ZNF548: variants seen among roughly 807,000 people sequenced by gnomAD.
The protein encoded by ZNF548 is zinc finger protein 548.
Under a neutral mutation model 10.2 loss-of-function variants are expected in ZNF548, and 10 were observed. The observed-to-expected ratio is 0.98, with a 90% CI of 0.60 to 1.66. The LOEUF is 1.66. Ranked by LOEUF, ZNF548 falls within the 40% of genes most tolerant of loss-of-function variation. The pLI, the probability that ZNF548 is intolerant of heterozygous loss-of-function variation, is 0.00. For synonymous variants in ZNF548, 217 were observed against 223.5 expected (o/e 0.97, Z 0.26); for missense variants, 599 against 657.0 (o/e 0.91, Z 0.97).
At chr19:57,398,305 T>C in intron 3 of ZNF548, 125 bp from the exon 4 acceptor site, 1 of 1,524,288 alleles carries the variant, frequency 6.6e-7, no homozygotes, top group South Asian at 1.3e-5. Flanking sequence ...CTCACTGGCC[T>C]TAATGTCCAT....
chr19:57,392,016 C>T (rs2088630320), intron 1 of ZNF548, among the ~76,000 whole-genome samples: 1 of 151,898 alleles, frequency 6.6e-6, no homozygotes, highest in Non-Finnish European at 1.5e-5. Context: ...CCAGGCTGGT[C>T]TTGAACTCCT....
intron 1 of ZNF548, chr19:57,392,989 G>C (rs1273841796): frequency 1.0e-6 from 1 of 985,388 alleles, no homozygotes; most frequent in Non-Finnish European, 1.2e-6. Context: ...GTGTGAGGTG[G>C]TTTCGATCCT....
In ZNF548 at chr19:57,398,475, G is replaced by A. The variant is rs192145975; in HGVS notation, c.224G>A (p.Gly75Asp). ...GATGAGGAGGCACCTTCACAGCAAGGTTTTTCTGTAGGAGTGTCAGAGGTT... is the reference window on the plus strand; with the variant it reads ...GATGAGGAGGCACCTTCACAGCAAGATTTTTCTGTAGGAGTGTCAGAGGTT... Reference protein sequence around the residue: ...AEDEEAPSQQGFSVGVSEVTA... With the variant: ...AEDEEAPSQQDFSVGVSEVTA... The change falls in exon 4 of 4, where the codon GGT becomes GAT. Residue 75 changes from glycine to aspartate, a missense_variant. Gly to Asp is a moderately conservative substitution (Grantham distance 94, BLOSUM62 -1). Transcript: ENST00000336128. 78 of 1,614,138 alleles carry A rather than the reference G, an allele frequency of 4.8e-5. No homozygotes were observed. The highest frequency in any genetic ancestry group is 1.7e-4 in the Middle Eastern group (1 of 6,060).
intron 2 of ZNF548, 45 bp from the exon 3 acceptor site, chr19:57,397,003 C>A: frequency 6.4e-7 from 1 of 1,571,518 alleles, no homozygotes. Context: ...GTAAATACAG[C>A]TTGAAAAGAA....
rs1368544007 is a variant in ZNF548, at chr19:57,400,517, C to T, written c.*628C>T. 2 of 152,152 alleles carry T rather than the reference C, an allele frequency of 1.3e-5. No homozygotes were observed. The highest frequency in any genetic ancestry group is 4.8e-5 in the African/African-American group (2 of 41,370). The allele number at this position is 152,152 out of a possible 1,614,324, so 9.4% of individuals were successfully genotyped here. On this transcript the variant is annotated 3_prime_UTR_variant, in exon 4 of 4. Coordinates refer to ENST00000336128, the MANE Select transcript of ZNF548 (RefSeq NM_001172773.2). The stretch of plus-strand genomic sequence containing the variant: ...CTGTGATCTTGGCTCACTGCAAGCT[C>T]CGCCTCCCAGGTTCATGCCATTCTC...
rs1165728592 is a variant in ZNF548 at position 57,398,560 on chromosome 19, A to G, written c.309A>G (p.Pro103=). ...QKVHPSETCG[P]PLKDILCLVE... ...TCCACCCTAGTGAGACATGTGGCCC[A>G]CCCTTGAAAGACATTCTGTGCCTGG... Residue 103 remains proline (P), a synonymous_variant, in exon 4 of 4, where the codon CCA becomes CCG. Coordinates refer to ENST00000336128, the MANE Select transcript of ZNF548 (RefSeq NM_001172773.2). The G allele has an allele frequency of 6.2e-7, 1 of 1,614,038 alleles. No homozygotes were observed. Among genetic ancestry groups the G allele is most frequent in the East Asian group, 2.2e-5 (1 of 44,876 alleles).
Position 57,389,868 on chromosome 19 carries a change from C to A in ZNF548, c.-232C>A. 2.1e-6 allele frequency: 1 copy of A among 484,534 alleles called. No individual in the cohort carries two copies. The highest frequency in any genetic ancestry group is 3.7e-6 in the Non-Finnish European group (1 of 273,426). 30.0% of individuals were successfully genotyped at this position (484,534 alleles called of 1,614,324 possible). The stretch of plus-strand genomic sequence containing the variant: ...CGTCGGAGGGCGGGACTTCCGCCGT[C>A]CTCCTGGTGGTGGTCGTTTTGGTTC... On this transcript the variant is annotated 5_prime_UTR_variant, in exon 1 of 4. Coordinates refer to ENST00000336128, the MANE Select transcript of ZNF548 (RefSeq NM_001172773.2).
rs1259108429 is a variant in ZNF548, at chr19:57,398,446, T to G, written c.195T>G (p.Ala65=). The stretch of plus-strand genomic sequence containing the variant: ...TTCTGACAGGTTCTTGGCATGGAGC[T>G]GAGGATGAGGAGGCACCTTCACAGC... ...LLSSLGSWHG[A]EDEEAPSQQG... The change falls in exon 4 of 4, where the codon GCT becomes GCG. Residue 65 remains alanine, a synonymous_variant. Transcript: ENST00000336128. 2 of 1,613,618 alleles carry G rather than the reference T, an allele frequency of 1.2e-6. No homozygotes were observed.
chr19:57,394,585 G>T (rs531708844), intron 2 of ZNF548, among the ~76,000 whole-genome samples: 2 of 152,302 alleles, frequency 1.3e-5, no homozygotes, highest in East Asian at 3.9e-4. Context: ...GACAGCCTAG[G>T]TCCTGGGTCT....
chr19:57,399,410 A>T lies in ZNF548; in HGVS notation c.1159A>T (p.Arg387Trp), dbSNP rs1257672534. The change falls in exon 4 of 4, where the codon AGG becomes TGG. Residue 387 changes from arginine (R) to tryptophan (W), a missense_variant. Arg to Trp is a moderately radical substitution (Grantham distance 101). Coordinates refer to ENST00000336128, the MANE Select transcript of ZNF548 (RefSeq NM_001172773.2). The surrounding 1 kb of genome is among the most constrained non-coding windows in gnomAD (Gnocchi z 4.0). ...GTGCAGTGTATGTGGGGAATTGTTT[A>T]GGTACAACTCCAGCCTTGTTAAACA... is the stretch of plus-strand genomic sequence containing the variant. ...YECSVCGELF[R>W]YNSSLVKHWR... The T allele has an allele frequency of 6.2e-7, 1 of 1,613,992 alleles. No homozygotes were observed. The highest frequency in any genetic ancestry group is 1.3e-5 in the African/African-American group (1 of 74,904).
chr19:57,391,490 TTGG>T (rs1245331382), intron 1 of ZNF548, among the ~76,000 whole-genome samples: 5 of 152,192 alleles, frequency 3.3e-5, no homozygotes, highest in Non-Finnish European at 2.9e-5. Flanking sequence ...AGTAGTGGAA[TTGG>T]TGGATTTAAT....
chr19:57,390,950 G>C (rs983014946), intron 1 of ZNF548: 4 of 152,194 alleles, frequency 2.6e-5, no homozygotes, highest in Non-Finnish European at 5.9e-5. Context: ...GGTCGGTCTC[G>C]GGTTTTTTTT....
intron 1 of ZNF548, among the ~76,000 whole-genome samples, chr19:57,391,254 C>T (rs981542120): frequency 2.0e-5 from 3 of 150,776 alleles, no homozygotes; most frequent in African/African-American, 7.3e-5. Context: ...TTAATAATGG[C>T]CTCCAGTTCC....
At chr19:57,393,991 C>T in intron 1 of ZNF548, 197 bp from the exon 2 acceptor site, 1 of 648,274 alleles carries the variant, frequency 1.5e-6, no homozygotes, top group East Asian at 2.7e-5. Flanking sequence ...AATCTATTTA[C>T]AGATGGAGAC....
chr19:57,402,642 C>A lies in ZNF548; in HGVS notation c.*2753C>A, dbSNP rs894820729. The A allele has an allele frequency of 6.6e-6, 1 of 152,226 alleles. No homozygotes were observed. Among genetic ancestry groups the A allele is most frequent in the Non-Finnish European group, 1.5e-5 (1 of 68,044 alleles). 9.4% of individuals were successfully genotyped at this position (152,226 alleles called of 1,614,324 possible). On this transcript the variant is annotated 3_prime_UTR_variant, in exon 4 of 4. Transcript: ENST00000336128. ...GGAAAATCTTTAGCCATTAGCATAA[C>A]CTCATTTCGTGCCAGCATGTTCACC...
At position 57,395,833 on chromosome 19, in the gene ZNF548, T is replaced by G. The variant is rs989642443; in HGVS notation, c.52-1215T>G. On this transcript the variant is annotated intron_variant, in intron 2 of 3. Transcript: ENST00000336128. This position sits in a 1 kb window ranked among gnomAD's most constrained non-coding sequence, Gnocchi z 4.8. ...GTGGAGAGCAATTTTCCTGACTGTT[T>G]ATGGGACAGAGTGTACCATGAGGCA... Among the ~76,000 whole-genome samples, 5 of 152,134 alleles carry G rather than the reference T, an allele frequency of 3.3e-5. No homozygotes were observed. The highest frequency in any genetic ancestry group is 7.4e-5 in the Non-Finnish European group (5 of 68,020).
rs970975062 is a variant in ZNF548, at chr19:57,390,012, G to A, written c.-88G>A. The A allele has an allele frequency of 5.1e-5, 76 of 1,497,844 alleles. No homozygotes were observed. Among genetic ancestry groups the A allele is most frequent in the African/African-American group, 6.8e-5 (5 of 73,182 alleles). 92.8% of individuals were successfully genotyped at this position (1,497,844 alleles called of 1,614,324 possible). The stretch of plus-strand genomic sequence containing the variant: ...ACGGAGAGGCGGGAGTGAGTCAACT[G>A]ACAAGCGCTGGGGACAGTGGCGTCC... On this transcript the variant is annotated 5_prime_UTR_variant, in exon 1 of 4. Transcript: ENST00000336128.
chr19:57,399,225 A>G lies in ZNF548; in HGVS notation c.974A>G (p.Glu325Gly). 3.1e-6 allele frequency: 5 copies of G among 1,614,034 alleles called. No homozygotes were observed. Among genetic ancestry groups the G allele is most frequent in the Non-Finnish European group, 4.2e-6 (5 of 1,180,004 alleles). The part of the protein sequence containing the change: ...HTGERPYECR[E>G]CGKFFMDSST... ...GGAGAAAGGCCGTATGAGTGCAGGG[A>G]ATGTGGGAAATTCTTTATGGACAGC... The change falls in exon 4 of 4, where the codon GAA (glutamate) becomes GGA (glycine). Residue 325 changes from glutamate to glycine, a missense_variant. By Grantham distance (98) the Glu-to-Gly change is moderately conservative. Transcript: ENST00000336128. This position sits in a 1 kb window ranked among gnomAD's most constrained non-coding sequence, Gnocchi z 4.0.
At position 57,399,666 on chromosome 19, in the gene ZNF548, A is replaced by G. The variant is rs753851355; in HGVS notation, c.1415A>G (p.His472Arg). The change falls in exon 4 of 4, where the codon CAC becomes CGC. Residue 472 changes from histidine (H) to arginine (R), a missense_variant. By Grantham distance (29) the His-to-Arg change is conservative (BLOSUM62 0). Coordinates refer to ENST00000336128, the MANE Select transcript of ZNF548 (RefSeq NM_001172773.2). The surrounding 1 kb of genome is among the most constrained non-coding windows in gnomAD (Gnocchi z 4.0). ...AGAGAGTGTGGGAAAGCCTTTAGCC[A>G]CAAGCATATACTTGTTGAGCACCAG... ...ECRECGKAFS[H>R]KHILVEHQKI... The G allele has an allele frequency of 6.2e-7, 1 of 1,614,036 alleles. No homozygotes were observed. The highest frequency in any genetic ancestry group is 8.5e-7 in the Non-Finnish European group (1 of 1,179,928).
Sources: gnomAD v4.1 joint callset for allele counts (sites outside exome capture counted in the v4.1 genomes callset) on GRCh38, gnomAD v4.1.1 for gene constraint, Gnocchi (gnomAD v3.1) non-coding constraint, MANE v1.5 for transcripts, NCBI Gene and HGNC (gene_info 2026-07-23, HGNC 2026-07-21) for gene names.